The following PKIB variants were observed in gnomAD, a reference collection of about 807,000 sequenced individuals.
The protein encoded by PKIB is PKI-beta.
Under a neutral mutation model 4.5 loss-of-function variants are expected in PKIB, and 2 were observed. That is an observed-to-expected ratio of 0.44 (90% CI 0.18 to 1.39). The LOEUF (loss-of-function observed/expected upper bound fraction) is 1.39. Among genes scored for constraint, PKIB ranks in the 40% most tolerant of loss-of-function variants. PKIB has a pLI of 0.27. For synonymous variants in PKIB, 38 were observed against 36.0 expected, an observed-to-expected ratio of 1.06 and a Z score of -0.20; for missense variants, 94 against 92.6, an observed-to-expected ratio of 1.02 and a Z score of -0.06.
At chr6:122,591,032 AC>A (rs1401522726) in intron 3 of PKIB, among the ~76,000 whole-genome samples, 11 of 152,044 alleles carry the variant, frequency 7.2e-5, no homozygotes, top group African/African-American at 2.7e-4. Flanking sequence ...AAAAAAAAAA[AC>A]AGACAAACAA....
rs537817152 is a variant in PKIB, at chr6:122,682,021, T to A, written c.-9+6877T>A. ...GCGTGAGAAATTTCTACATCCTATT[T>A]TCCAGTTATACTGCTGTGGCCCTCT... On this transcript the variant is annotated intron_variant, in intron 3 of 4. Transcript: ENST00000368452. Among the ~76,000 whole-genome samples, 5 of 152,328 alleles carry A rather than the reference T, an allele frequency of 3.3e-5. No individual in the cohort carries two copies. In the South Asian group the frequency reaches 1.0e-3, roughly 32 times the overall value.
intron 1 of PKIB, among the ~76,000 whole-genome samples, chr6:122,628,761 A>G (rs1775571162): frequency 1.3e-5 from 2 of 152,158 alleles, no homozygotes; most frequent in South Asian, 4.1e-4. Context: ...GATTCCTTAT[A>G]ACCTAGCCTG....
At position 122,716,853 on chromosome 6, in the gene PKIB, A is replaced by T. The variant is rs1284358853; in HGVS notation, c.-8-934A>T. The stretch of plus-strand genomic sequence containing the variant: ...TCTGTGTTAGGGTGTCTATCTCTGC[A>T]GGCATATATTTTCTCTCCCTTTTGA... On this transcript the variant is annotated intron_variant, in intron 3 of 4. Coordinates refer to ENST00000368452, the MANE Select transcript of PKIB (RefSeq NM_181795.3). Among the ~76,000 whole-genome samples, 9 of 152,132 alleles carry T rather than the reference A, an allele frequency of 5.9e-5. 1 individual carries two copies. The highest frequency in any genetic ancestry group is 8.8e-5 in the Non-Finnish European group (6 of 68,026).
intron 1 of PKIB, among the ~76,000 whole-genome samples, chr6:122,617,699 A>G (rs986266093): frequency 1.3e-5 from 2 of 152,164 alleles, no homozygotes; most frequent in African/African-American, 4.8e-5. Flanking sequence ...TTTTGTTTTA[A>G]TATGACTCAT....
intron 2 of PKIB, among the ~76,000 whole-genome samples, chr6:122,663,606 G>T (rs1339407498): frequency 6.6e-6 from 1 of 152,136 alleles, no homozygotes. Context: ...GTAGCTCCAG[G>T]TATCCCTCAG....
intron 2 of PKIB, among the ~76,000 whole-genome samples, chr6:122,486,169 T>C (rs181546496): frequency 1.3e-5 from 2 of 152,318 alleles, no homozygotes; most frequent in East Asian, 3.9e-4. Flanking sequence ...AATCCATCAC[T>C]GTCCCTATTA....
chr6:122,701,673 A>C (rs934601400), intron 3 of PKIB, among the ~76,000 whole-genome samples: 1 of 152,210 alleles, frequency 6.6e-6, no homozygotes, highest in Non-Finnish European at 1.5e-5. Context: ...GTTAATTTTA[A>C]CTGACTAGGT....
intron 2 of PKIB, among the ~76,000 whole-genome samples, chr6:122,519,365 T>G (rs1334702906): frequency 1.3e-5 from 2 of 152,170 alleles, no homozygotes; most frequent in African/African-American, 4.8e-5. Flanking sequence ...GTATAATTGT[T>G]TCATTATATG....
chr6:122,503,877 A>G (rs1381599541), intron 2 of PKIB, among the ~76,000 whole-genome samples: 1 of 152,246 alleles, frequency 6.6e-6, no homozygotes, highest in African/African-American at 2.4e-5. Context: ...CAGGAGCACC[A>G]AAACAAATGA....
intron 2 of PKIB, among the ~76,000 whole-genome samples, chr6:122,527,228 T>C (rs146634243): frequency 4.0e-4 from 61 of 152,258 alleles, no homozygotes; most frequent in Non-Finnish European, 3.4e-4. Flanking sequence ...CCACTCAAAC[T>C]GTTTTCCTTT....
chr6:122,510,604 G>C (rs573942192), intron 2 of PKIB, among the ~76,000 whole-genome samples: 1 of 152,324 alleles, frequency 6.6e-6, no homozygotes, highest in Non-Finnish European at 1.5e-5. Context: ...TTACAGCGTT[G>C]ACTGCTTGCA....
intron 2 of PKIB, chr6:122,481,267 A>C (rs972239295): frequency 1.7e-4 from 26 of 152,344 alleles, no homozygotes; most frequent in African/African-American, 6.0e-4. Context: ...AGACAAACCC[A>C]AATTAAGGGA....
At chr6:122,472,984 C>T (rs1000111374) in intron 1 of PKIB, among the ~76,000 whole-genome samples, 2 of 152,000 alleles carry the variant, frequency 1.3e-5, no homozygotes, top group Admixed American at 1.3e-4. Flanking sequence ...TGGTGGCACG[C>T]GCATGTAATC....
chr6:122,515,858 G>A (rs999877006), intron 2 of PKIB, among the ~76,000 whole-genome samples: 1 of 152,070 alleles, frequency 6.6e-6, no homozygotes, highest in African/African-American at 2.4e-5. Context: ...TGGGACTACA[G>A]GCTCGCACCA....
At chr6:122,639,923 G>A (rs1187749371) in intron 2 of PKIB, among the ~76,000 whole-genome samples, 3 of 152,098 alleles carry the variant, frequency 2.0e-5, no homozygotes, top group African/African-American at 7.2e-5. Context: ...AACCATTGAT[G>A]TGGGAAGGGT....
intron 2 of PKIB, among the ~76,000 whole-genome samples, chr6:122,552,508 C>T (rs1772707043): frequency 6.6e-6 from 1 of 152,124 alleles, no homozygotes; most frequent in Non-Finnish European, 1.5e-5. Flanking sequence ...TCCCTAGTAG[C>T]TGGGATTACA....
chr6:122,701,572 C>T, intron 3 of PKIB: 1 of 1,528,932 alleles, frequency 6.5e-7, no homozygotes, highest in Non-Finnish European at 8.9e-7. Flanking sequence ...ATAACAGTGC[C>T]ACATAGGCCA....
At chr6:122,579,200 A>G (rs1773635924) in intron 2 of PKIB, among the ~76,000 whole-genome samples, 3 of 152,278 alleles carry the variant, frequency 2.0e-5, no homozygotes, top group African/African-American at 7.2e-5. Flanking sequence ...TCCAAAGTTT[A>G]TTTTCAATGA....
intron 2 of PKIB, among the ~76,000 whole-genome samples, chr6:122,645,847 T>A (rs1000087367): frequency 1.1e-4 from 17 of 152,214 alleles, no homozygotes; most frequent in African/African-American, 3.6e-4. Context: ...TATTCCTTAG[T>A]GCAGACTCAT....
Sources: allele counts gnomAD v4.1 joint callset (sites outside exome capture counted in the v4.1 genomes callset), GRCh38; gene constraint gnomAD v4.1.1; transcripts MANE v1.5; gene names NCBI Gene and HGNC (gene_info 2026-07-23, HGNC 2026-07-21).